RSPO2: variants seen among roughly 807,000 people sequenced by gnomAD.
The protein encoded by RSPO2 is R-spondin 2.
Under a neutral mutation model 30.9 loss-of-function variants are expected in RSPO2, and 14 were observed. That is an observed-to-expected ratio of 0.45 (90% CI 0.30 to 0.71). The LOEUF is 0.71. RSPO2 is among the 30% of genes least tolerant of loss of function. The pLI is 0.08. For synonymous variants in RSPO2, 107 were observed against 96.4 expected (o/e 1.11, Z -0.64); for missense variants, 264 against 301.9 (o/e 0.87, Z 0.93).
intron 2 of RSPO2, among the ~76,000 whole-genome samples, chr8:107,990,054 A>G (rs1814795649): frequency 6.6e-6 from 1 of 152,216 alleles, no homozygotes; most frequent in African/African-American, 2.4e-5. Flanking sequence ...ATATCTACAG[A>G]ATATCTGAAG....
chr8:107,983,901 A>T (rs374333262), intron 3 of RSPO2: 8 of 1,351,932 alleles, frequency 5.9e-6, no homozygotes, highest in South Asian at 4.8e-5. Context: ...CCGCCCTTGG[A>T]TTTTCCATCT....
At chr8:107,970,903 C>T (rs1188721399) in intron 3 of RSPO2, among the ~76,000 whole-genome samples, 2 of 152,118 alleles carry the variant, frequency 1.3e-5, no homozygotes, top group Non-Finnish European at 2.9e-5. Flanking sequence ...GTCATGTATG[C>T]CCATCTAGTT....
chr8:107,970,747 T>C (rs1813968484), intron 3 of RSPO2, among the ~76,000 whole-genome samples: 1 of 152,270 alleles, frequency 6.6e-6, no homozygotes, highest in Non-Finnish European at 1.5e-5. Flanking sequence ...GCTGTGGCAC[T>C]GACTTTTGAA....
At chr8:108,013,933 A>C (rs910933259) in intron 2 of RSPO2, among the ~76,000 whole-genome samples, 5 of 152,116 alleles carry the variant, frequency 3.3e-5, no homozygotes, top group African/African-American at 1.2e-4. Flanking sequence ...ATAGGAGAAA[A>C]TGTTTGCAAT....
intron 2 of RSPO2, among the ~76,000 whole-genome samples, chr8:108,080,141 A>G (rs895719067): frequency 1.3e-5 from 2 of 152,182 alleles, no homozygotes; most frequent in African/African-American, 4.8e-5. Context: ...ATACTCTCAC[A>G]ATGCAATCCT....
chr8:108,062,408 C>CCT (rs1248057040), intron 2 of RSPO2, among the ~76,000 whole-genome samples: 1 of 151,806 alleles, frequency 6.6e-6, no homozygotes, highest in Non-Finnish European at 1.5e-5. Context: ...ACTATAAACA[C>CCT]CTCTACACAA....
intron 3 of RSPO2, among the ~76,000 whole-genome samples, chr8:107,986,777 A>G (rs1373968999): frequency 6.6e-6 from 1 of 152,170 alleles, no homozygotes; most frequent in East Asian, 1.9e-4. Context: ...TTGTGCGCTA[A>G]TAGTCTGGAA....
At chr8:107,927,390 C>G (rs1480553177) in intron 5 of RSPO2, among the ~76,000 whole-genome samples, 3 of 152,114 alleles carry the variant, frequency 2.0e-5, no homozygotes, top group Admixed American at 2.0e-4. Flanking sequence ...CCCTTTATTT[C>G]TTTCTCCTGC....
intron 2 of RSPO2, among the ~76,000 whole-genome samples, chr8:108,064,546 G>A (rs1812595385): frequency 6.6e-6 from 1 of 152,206 alleles, no homozygotes; most frequent in Admixed American, 6.5e-5. Context: ...AGGATGTGGA[G>A]AAATAGGAAC....
At chr8:107,924,297 A>C (rs1228356743) in intron 5 of RSPO2, among the ~76,000 whole-genome samples, 1 of 152,048 alleles carries the variant, frequency 6.6e-6, no homozygotes, top group African/African-American at 2.4e-5. Context: ...AAATCAAAAC[A>C]AGCATTGCAT....
At chr8:107,984,884 T>A (rs1814571920) in intron 3 of RSPO2, among the ~76,000 whole-genome samples, 1 of 152,214 alleles carries the variant, frequency 6.6e-6, no homozygotes, top group African/African-American at 2.4e-5. Context: ...TGGGTAGTAC[T>A]AACATTCTTT....
intron 2 of RSPO2, among the ~76,000 whole-genome samples, chr8:108,016,227 G>C (rs1810886457): frequency 6.6e-6 from 1 of 152,116 alleles, no homozygotes; most frequent in Admixed American, 6.5e-5. Context: ...ATCCTTTCTT[G>C]GTAAGCTATT....
rs1811398424 is a variant in RSPO2 at position 107,900,138 on chromosome 8, C to CAA, written c.*935_*936dup. The CAA allele has an allele frequency of 6.6e-6, 1 of 152,186 alleles. No homozygotes were observed. The highest frequency in any genetic ancestry group is 1.5e-5 in the Non-Finnish European group (1 of 68,036). The allele number at this position is 152,186 out of a possible 1,614,324, so 9.4% of individuals were successfully genotyped here. On this transcript the variant is annotated 3_prime_UTR_variant, in exon 6 of 6. Coordinates refer to ENST00000276659, the MANE Select transcript of RSPO2 (RefSeq NM_178565.5). ...CCTCATGTTTTCAGTTGTGTTTCATCAAAGTCATCACATCTTAGACTCAAA... is the reference window on the plus strand; with the variant it reads ...CCTCATGTTTTCAGTTGTGTTTCATCAAAAAGTCATCACATCTTAGACTCAAA...
At chr8:107,983,135 C>A in intron 3 of RSPO2, 2 of 1,473,806 alleles carry the variant, frequency 1.4e-6, no homozygotes, top group East Asian at 2.3e-5. Flanking sequence ...AATGAAGGAC[C>A]CCTCAACCTG....
chr8:107,985,097 T>C (rs1586602235), intron 3 of RSPO2, among the ~76,000 whole-genome samples: 1 of 152,090 alleles, frequency 6.6e-6, no homozygotes, highest in African/African-American at 2.4e-5. Context: ...AAGTGACAAA[T>C]ATGTGTTCAG....
At chr8:108,016,769 C>T (rs1308889050) in intron 2 of RSPO2, among the ~76,000 whole-genome samples, 11 of 152,214 alleles carry the variant, frequency 7.2e-5, no homozygotes, top group African/African-American at 4.8e-5. Context: ...AATAAGTTCT[C>T]ATAAGATGTG....
At chr8:107,986,219 T>C (rs978605365) in intron 3 of RSPO2, among the ~76,000 whole-genome samples, 5 of 152,160 alleles carry the variant, frequency 3.3e-5, no homozygotes, top group African/African-American at 9.7e-5. Flanking sequence ...GAGCAAATAA[T>C]TGGCATGAAA....
intron 5 of RSPO2, among the ~76,000 whole-genome samples, chr8:107,949,680 G>T (rs1813179317): frequency 6.6e-6 from 1 of 152,126 alleles, no homozygotes; most frequent in Non-Finnish European, 1.5e-5. Context: ...AGGTAGACAT[G>T]GACTTAGAGT....
intron 5 of RSPO2, among the ~76,000 whole-genome samples, chr8:107,927,938 G>A (rs939640546): frequency 3.9e-5 from 6 of 152,028 alleles, no homozygotes; most frequent in Non-Finnish European, 7.4e-5. Context: ...ATTCTGTTTT[G>A]TTTACACCAA....
Sources: allele counts gnomAD v4.1 joint callset (sites outside exome capture counted in the v4.1 genomes callset), GRCh38; gene constraint gnomAD v4.1.1; transcripts MANE v1.5; gene names NCBI Gene and HGNC (gene_info 2026-07-23, HGNC 2026-07-21).